CLASP1: variants seen among roughly 807,000 people sequenced by gnomAD.
The protein encoded by CLASP1 is CLIP-associating protein 1.
Under a neutral mutation model 192.3 loss-of-function variants are expected in CLASP1, and 38 were observed. The observed-to-expected ratio is 0.20, with a 90% confidence interval of 0.15 to 0.26. CLASP1 has a LOEUF of 0.26. Among genes scored for constraint, CLASP1 ranks in the 10% least tolerant of loss-of-function variants. CLASP1 has a pLI of 1.00. For synonymous variants in CLASP1, 691 were observed against 712.8 expected (o/e 0.97, Z 0.49); for missense variants, 1,433 against 1,932.5 (o/e 0.74, Z 4.85).
intron 2 of CLASP1, among the ~76,000 whole-genome samples, chr2:121,569,052 A>G (rs1411016014): frequency 6.6e-6 from 1 of 150,908 alleles, no homozygotes; most frequent in Non-Finnish European, 1.5e-5. Context: ...AATTTACTCA[A>G]TAAATATTTA....
chr2:121,437,104 A>G (rs2082431455), intron 19 of CLASP1, among the ~76,000 whole-genome samples: 1 of 152,088 alleles, frequency 6.6e-6, no homozygotes, highest in Non-Finnish European at 1.5e-5. Flanking sequence ...CTGGGGCTAC[A>G]GGTGTGCACC....
At chr2:121,338,651 G>A (rs2062543686) in exon 40 of CLASP1, 1 of 152,300 alleles carries the variant, frequency 6.6e-6, no homozygotes, top group Admixed American at 6.5e-5. Context: ...TTTTCAGATT[G>A]AGGCCAAGAG....
chr2:121,536,008 G>A (rs2104915708), intron 2 of CLASP1, among the ~76,000 whole-genome samples: 1 of 152,006 alleles, frequency 6.6e-6, no homozygotes, highest in Admixed American at 6.5e-5. Flanking sequence ...TAAAGATGTA[G>A]AGAAACTGGA....
At chr2:121,419,919 CAT>C (rs1237638014) in intron 22 of CLASP1, among the ~76,000 whole-genome samples, 1 of 152,032 alleles carries the variant, frequency 6.6e-6, no homozygotes, top group African/African-American at 2.4e-5. Context: ...CTGCAATGAG[CAT>C]AGTCTATTGT....
rs2085583045 is a variant in CLASP1, at chr2:121,451,999, AT to A, written c.1386-151del. 9 of 650,846 alleles carry A rather than the reference AT, an allele frequency of 1.4e-5. No individual in the cohort carries two copies. In the South Asian group the frequency reaches 1.9e-4, roughly 13 times the overall value. The allele number at this position is 650,846 out of a possible 1,614,324, so 40.3% of individuals were successfully genotyped here. A position where few individuals can be genotyped will look rare whatever the true frequency, so the allele number is the denominator to read the frequency against. On this transcript the variant is annotated intron_variant, in intron 14 of 39. Transcript: ENST00000263710. ...TAGAAAAACAGAACATAAAGAATGA[AT>A]CAGAACTGACTAAAAACCAAAGCAA...
chr2:121,647,093 C>A (rs1381093553), intron 1 of CLASP1, among the ~76,000 whole-genome samples: 1 of 150,838 alleles, frequency 6.6e-6, no homozygotes, highest in Non-Finnish European at 1.5e-5. Context: ...ATGGGCCGAG[C>A]GCGATTGCTC....
In CLASP1 at chr2:121,495,497, C is replaced by T. The variant is rs563069276; in HGVS notation, c.712+7670G>A. On this transcript the variant is annotated intron_variant, in intron 8 of 39. Coordinates refer to ENST00000263710, the Ensembl canonical transcript of CLASP1. The stretch of plus-strand genomic sequence containing the variant: ...CCAACATGGTGAAACCCCGTCTCTA[C>T]TAAAAATACAAAAATTCGCTGGGCA... 2.6e-5 allele frequency among the ~76,000 whole-genome samples: 4 copies of T among 151,254 alleles called. No individual in the cohort carries two copies. In the South Asian group the frequency reaches 6.3e-4, roughly 24 times the overall value.
chr2:121,625,362 G>A (rs1270393177), intron 1 of CLASP1, among the ~76,000 whole-genome samples: 1 of 150,812 alleles, frequency 6.6e-6, no homozygotes, highest in Admixed American at 6.6e-5. Flanking sequence ...TTCTAACGGT[G>A]AAATCCACTA....
chr2:121,356,453 G>A lies in CLASP1; in HGVS notation c.4206+6719C>T, dbSNP rs372508591. Among the ~76,000 whole-genome samples the A allele has an allele frequency of 3.3e-5, 5 of 152,346 alleles. No homozygotes were observed. In the East Asian group the frequency reaches 5.8e-4, roughly 18 times the overall value. The stretch of plus-strand genomic sequence containing the variant: ...TTAGCTAGGCTCAGTACCAGAGGGA[G>A]GGGAGAAGAAAAGTTCCAGGCTATA... On this transcript the variant is annotated intron_variant, in intron 37 of 39. Coordinates refer to ENST00000263710, the Ensembl canonical transcript of CLASP1.
chr2:121,365,589 T>C (rs1001455048), intron 35 of CLASP1, among the ~76,000 whole-genome samples: 1 of 152,194 alleles, frequency 6.6e-6, no homozygotes, highest in Non-Finnish European at 1.5e-5. Context: ...AGAGAAGAAA[T>C]GCCTGTATCC....
chr2:121,539,664 C>A (rs1316938788), intron 2 of CLASP1, among the ~76,000 whole-genome samples: 1 of 152,010 alleles, frequency 6.6e-6, no homozygotes, highest in Non-Finnish European at 1.5e-5. Flanking sequence ...TTTGGCATAT[C>A]AAAACCACTT....
At chr2:121,623,735 T>G (rs1252111720) in intron 1 of CLASP1, among the ~76,000 whole-genome samples, 2 of 152,116 alleles carry the variant, frequency 1.3e-5, no homozygotes, top group South Asian at 2.1e-4. Flanking sequence ...GATTTTCTAT[T>G]TCTTTGGGAG....
intron 7 of CLASP1, among the ~76,000 whole-genome samples, chr2:121,511,740 G>T (rs1412803701): frequency 6.6e-6 from 1 of 152,184 alleles, no homozygotes; most frequent in Non-Finnish European, 1.5e-5. Flanking sequence ...AAAAACAGTT[G>T]ACAGCGTTTG....
At chr2:121,561,734 G>A (rs1258145594) in intron 2 of CLASP1, among the ~76,000 whole-genome samples, 2 of 152,246 alleles carry the variant, frequency 1.3e-5, no homozygotes, top group African/African-American at 2.4e-5. Context: ...GGGCAAGTGA[G>A]TCAGGCCTTC....
At chr2:121,376,526 T>TGGGGGGGGGGGGGGAGGGGG in intron 34 of CLASP1, among the ~76,000 whole-genome samples, 1 of 105,202 alleles carries the variant, frequency 9.5e-6, no homozygotes, top group East Asian at 2.7e-4. Context: ...TGGGAAGGGG[T>TGGGGGGGGGGGGGGAGGGGG]GGGGGGGGGG....
intron 1 of CLASP1, among the ~76,000 whole-genome samples, chr2:121,616,051 A>G (rs955220369): frequency 6.6e-6 from 1 of 152,222 alleles, no homozygotes; most frequent in African/African-American, 2.4e-5. Context: ...AAGTCAAATC[A>G]TAAATAAGGA....
In CLASP1 at chr2:121,427,291, G is replaced by A. The variant is rs575342873; in HGVS notation, c.2044+113C>T. On this transcript the variant is annotated intron_variant, in intron 21 of 39. Transcript: ENST00000263710. Reference sequence around the variant, plus strand: ...TTGAACACAAAGAAAAACGCAGAAAGATTAACTAAGCTTACAATAAAGAGA... The same window carrying A: ...TTGAACACAAAGAAAAACGCAGAAAAATTAACTAAGCTTACAATAAAGAGA... 5 of 1,301,560 alleles carry A rather than the reference G, an allele frequency of 3.8e-6. No individual in the cohort carries two copies. In the Admixed American group the frequency reaches 1.3e-4, roughly 33 times the overall value. The allele number at this position is 1,301,560 out of a possible 1,614,324, so 80.6% of individuals were successfully genotyped here. A position where few individuals can be genotyped will look rare whatever the true frequency, so the allele number is the denominator to read the frequency against.
At chr2:121,369,489 G>C (rs1476066282) in intron 34 of CLASP1, among the ~76,000 whole-genome samples, 1 of 151,494 alleles carries the variant, frequency 6.6e-6, no homozygotes, top group Non-Finnish European at 1.5e-5. Flanking sequence ...CATTGAACAG[G>C]AGGTTTAAAA....
intron 38 of CLASP1, 123 bp from the exon 40 acceptor site, chr2:121,347,277 AG>A: frequency 3.0e-6 from 2 of 665,608 alleles, no homozygotes; most frequent in Non-Finnish European, 2.7e-6. Flanking sequence ...AGTAACAACC[AG>A]GATAGACCTC....
Sources: allele counts gnomAD v4.1 joint callset (sites outside exome capture counted in the v4.1 genomes callset), GRCh38; gene constraint gnomAD v4.1.1; transcripts MANE v1.5; gene names NCBI Gene and HGNC (gene_info 2026-07-23, HGNC 2026-07-21).